RHBDD3: variants seen among roughly 807,000 people sequenced by gnomAD.
RHBDD3 encodes rhomboid domain-containing protein 3.
Under a neutral mutation model 32.3 loss-of-function variants are expected in RHBDD3, and 34 were observed. The observed-to-expected ratio is 1.05, with a 90% confidence interval of 0.80 to 1.40. The LOEUF is 1.40. Ranked by LOEUF, RHBDD3 falls within the 40% of genes most tolerant of loss-of-function variation. The pLI is 0.00. For missense variants in RHBDD3, 482 were observed against 492.6 expected, an observed-to-expected ratio of 0.98 and a Z score of 0.20; for synonymous variants, 249 against 239.1, an observed-to-expected ratio of 1.04 and a Z score of -0.38.
At chr22:29,263,614 C>T (rs1196984464) in intron 4 of RHBDD3, among the ~76,000 whole-genome samples, 2 of 152,212 alleles carry the variant, frequency 1.3e-5, no homozygotes, top group South Asian at 2.1e-4. Context: ...AGGGAGCCCA[C>T]GTAGCCCTTT....
At chr22:29,263,752 AC>A (rs2058145356) in intron 4 of RHBDD3, 82 bp downstream of exon 4, 9 of 1,448,784 alleles carry the variant, frequency 6.2e-6, no homozygotes, top group Non-Finnish European at 8.2e-6. Flanking sequence ...TTGGGCCTTC[AC>A]CCCTTTGTGC....
upstream of RHBDD3, chr22:29,268,036 C>T (rs139842640): frequency 1.7e-5 from 9 of 516,144 alleles, no homozygotes; most frequent in African/African-American, 1.3e-4. Context: ...CCATTCCAAA[C>T]AGCCTAGTCT....
In RHBDD3 at chr22:29,264,233, G is replaced by T. The variant is rs545069230; in HGVS notation, c.149-15C>A. 4 of 1,510,390 alleles carry T rather than the reference G, an allele frequency of 2.6e-6. No individual in the cohort carries two copies. In the South Asian group the frequency reaches 5.4e-5, roughly 20 times the overall value. The allele number at this position is 1,510,390 out of a possible 1,614,324, so 93.6% of individuals were successfully genotyped here. A position where few individuals can be genotyped will look rare whatever the true frequency, so the allele number is the denominator to read the frequency against. On this transcript the variant is annotated splice_polypyrimidine_tract_variant and intron_variant, in intron 3 of 6. Coordinates refer to ENST00000216085, the MANE Select transcript of RHBDD3 (RefSeq NM_012265.3). ...CAGCCGGTGCACTGGGAGAGAGAAG[G>T]GGCTTATGTGCCAGGTTAGTGGCCC...
At chr22:29,266,247 C>G (rs57983344) in intron 2 of RHBDD3, among the ~76,000 whole-genome samples, 3,144 of 152,328 alleles carry the variant, frequency 0.021, 114 homozygotes, top group African/African-American at 0.073. Context: ...ACTGGCACAG[C>G]CCCTCTGGCC....
In RHBDD3 at chr22:29,265,659, G is replaced by A. The variant is rs555823545; in HGVS notation, c.-33C>T. ...TTGAGGACGGTCAAGGGTGGTCCTG[G>A]GGCTGTGTGCTGGGGATAAAAGAAA... On this transcript the variant is annotated 5_prime_UTR_variant, in exon 3 of 7. Coordinates refer to ENST00000216085, the MANE Select transcript of RHBDD3 (RefSeq NM_012265.3). 1.3e-6 allele frequency: 2 copies of A among 1,554,530 alleles called. No individual in the cohort carries two copies. Among genetic ancestry groups the A allele is most frequent in the Non-Finnish European group, 1.7e-6 (2 of 1,159,348 alleles).
Position 29,267,743 on chromosome 22 carries a change from C to T in RHBDD3, c.-195+5G>A, listed in dbSNP as rs1182297892. On this transcript the variant is annotated splice_donor_5th_base_variant and intron_variant, in intron 1 of 6. Coordinates refer to ENST00000216085, the MANE Select transcript of RHBDD3 (RefSeq NM_012265.3). ...TGGCCCGGGCCACGCGTCCCGGGTA[C>T]TCACTGCAGAGCGCGCCCGGCAACC... 5.9e-6 allele frequency: 1 copy of T among 170,426 alleles called. No homozygotes were observed. The highest frequency in any genetic ancestry group is 6.3e-5 in the Admixed American group (1 of 15,858). 10.6% of individuals were successfully genotyped at this position (170,426 alleles called of 1,614,324 possible).
At chr22:29,263,193 C>T (rs1222348752) in intron 4 of RHBDD3, among the ~76,000 whole-genome samples, 2 of 151,982 alleles carry the variant, frequency 1.3e-5, no homozygotes, top group African/African-American at 2.4e-5. Flanking sequence ...TACAGGTGCA[C>T]GCCACCACGC....
intron 3 of RHBDD3, chr22:29,264,635 G>T: frequency 2.1e-6 from 1 of 474,256 alleles, no homozygotes; most frequent in Non-Finnish European, 2.8e-6. Flanking sequence ...TAACCTCTCT[G>T]AGCATCATTG....
chr22:29,266,981 G>C (rs188922930), intron 2 of RHBDD3, among the ~76,000 whole-genome samples: 39 of 152,308 alleles, frequency 2.6e-4, no homozygotes, highest in African/African-American at 9.4e-4. Flanking sequence ...TAGGAGCACA[G>C]CTTGGCCAGT....
chr22:29,264,310 G>C, intron 3 of RHBDD3, 92 bp from the exon 4 acceptor site: 1 of 1,436,426 alleles, frequency 7.0e-7, no homozygotes, highest in East Asian at 2.6e-5. Context: ...CGCTACACCA[G>C]GGCCACCTGC....
chr22:29,268,111 C>T (rs924153074), upstream of RHBDD3: 2 of 615,700 alleles, frequency 3.2e-6, no homozygotes, highest in African/African-American at 1.8e-5. Context: ...CCCTTAGATG[C>T]TATTTTGGCC....
chr22:29,267,601 G>A (rs528559345), intron 1 of RHBDD3, 24 bp from the exon 2 acceptor site: 1 of 153,402 alleles, frequency 6.5e-6, no homozygotes, highest in Non-Finnish European at 1.5e-5. Flanking sequence ...GATATCGGAT[G>A]AGGGATGATT....
chr22:29,266,696 C>T (rs2146531565), intron 2 of RHBDD3, among the ~76,000 whole-genome samples: 2 of 152,336 alleles, frequency 1.3e-5, no homozygotes, highest in East Asian at 3.9e-4. Context: ...AGGTCTTCAC[C>T]CCTGGTCAGG....
At position 29,264,222 on chromosome 22, in the gene RHBDD3, G is replaced by C. The variant is rs2058152512; in HGVS notation, c.149-4C>G. The C allele has an allele frequency of 6.6e-7, 1 of 1,523,154 alleles. No individual in the cohort carries two copies. Among genetic ancestry groups the C allele is most frequent in the Non-Finnish European group, 8.8e-7 (1 of 1,136,870 alleles). The allele number at this position is 1,523,154 out of a possible 1,614,324, so 94.4% of individuals were successfully genotyped here. ...GCATGGGTCAGCAGCCGGTGCACTGGGAGAGAGAAGGGGCTTATGTGCCAG... is the reference window on the plus strand; with the variant it reads ...GCATGGGTCAGCAGCCGGTGCACTGCGAGAGAGAAGGGGCTTATGTGCCAG... On this transcript the variant is annotated splice_region_variant and splice_polypyrimidine_tract_variant and intron_variant, in intron 3 of 6. Transcript: ENST00000216085.
intron 2 of RHBDD3, among the ~76,000 whole-genome samples, chr22:29,266,189 C>T (rs992879395): frequency 6.6e-6 from 1 of 152,186 alleles, no homozygotes; most frequent in Non-Finnish European, 1.5e-5. Flanking sequence ...ACTGAGACAT[C>T]CCCTTTGAGG....
In RHBDD3 at chr22:29,265,504, C is replaced by T. The variant is rs144663922; in HGVS notation, c.123G>A (p.Pro41=). Residue 41 remains proline, a synonymous_variant, in exon 3 of 7, where the codon CCG becomes CCA. Coordinates refer to ENST00000216085, the MANE Select transcript of RHBDD3 (RefSeq NM_012265.3). ...VGAGPGLVLA[P]ELLLDPWQVH... ...CCTGCCAGGGGTCCAGCAACAGCTC[C>T]GGGGCCAGGACCAGGCCGGGGCCGG... is the stretch of plus-strand genomic sequence containing the variant. The T allele has an allele frequency of 4.4e-5, 68 of 1,548,060 alleles. No homozygotes were observed. Among genetic ancestry groups the T allele is most frequent in the African/African-American group, 2.0e-4 (14 of 70,432 alleles).
intron 3 of RHBDD3, 128 bp downstream of exon 3, chr22:29,265,351 T>C (rs1236869011): frequency 8.3e-6 from 6 of 727,162 alleles, no homozygotes; most frequent in South Asian, 2.5e-5. Flanking sequence ...TCTAAGGCCA[T>C]GCTTTCCCGG....
chr22:29,264,609 C>A (rs2058156498), intron 3 of RHBDD3: 3 of 777,370 alleles, frequency 3.9e-6, no homozygotes, highest in South Asian at 5.8e-5. Flanking sequence ...AGCTGTGTGA[C>A]CCTGGTCAAA....
At chr22:29,263,312 G>A (rs868394782) in intron 4 of RHBDD3, among the ~76,000 whole-genome samples, 29 of 152,320 alleles carry the variant, frequency 1.9e-4, no homozygotes, top group Middle Eastern at 3.4e-3. Flanking sequence ...CAAAGTGTTG[G>A]GATTACAGGC....
Sources: gnomAD v4.1 joint callset for allele counts (sites outside exome capture counted in the v4.1 genomes callset) on GRCh38, gnomAD v4.1.1 for gene constraint, MANE v1.5 for transcripts, NCBI Gene and HGNC (gene_info 2026-07-23, HGNC 2026-07-21) for gene names.